The following PLXNB2 variants were observed in gnomAD, a reference collection of about 807,000 sequenced individuals.
PLXNB2 encodes the protein plexin-B2.
In PLXNB2, 85 loss-of-function variants were observed where a neutral mutation model predicts 202.6. The ratio of observed to expected loss-of-function variants is 0.42; its 90% confidence interval spans 0.35 to 0.50. The LOEUF is 0.50. PLXNB2 is among the 20% of genes least tolerant of loss of function. The probability of loss-of-function intolerance (pLI) is 0.02; values close to 1 mark genes in which losing one functional copy is unlikely to be tolerated. For missense variants in PLXNB2, 2,063 were observed against 2,586.2 expected, an observed-to-expected ratio of 0.80 and a Z score of 4.39; for synonymous variants, 1,239 against 1,137.6, an observed-to-expected ratio of 1.09 and a Z score of -1.79.
In PLXNB2 at chr22:50,294,711, G is replaced by A; in HGVS notation, c.-14+8C>T. On this transcript the variant is annotated splice_region_variant and intron_variant, in intron 2 of 36. Transcript: ENST00000359337. ...CCACCCACTGCCTTTCCCAGGTGGG[G>A]TACAGACCCCTCACCGAGGCTCCAG... The A allele has an allele frequency of 2.0e-6, 2 of 984,416 alleles. No individual in the cohort carries two copies. The highest frequency in any genetic ancestry group is 1.7e-5 in the African/African-American group (1 of 57,348). The allele number at this position is 984,416 out of a possible 1,614,324, so 61.0% of individuals were successfully genotyped here. A position where few individuals can be genotyped will look rare whatever the true frequency, so the allele number is the denominator to read the frequency against.
Position 50,275,665 on chromosome 22 carries a change from C to T in PLXNB2, c.*39G>A. On this transcript the variant is annotated 3_prime_UTR_variant, in exon 37 of 37. Transcript: ENST00000359337. ...TCCCCTGAGGGGCTCTCAGGTACCT[C>T]AGGTACCTATGTCCCAAGGCAGCAC... 1.5e-6 allele frequency: 2 copies of T among 1,376,276 alleles called. No individual in the cohort carries two copies. The highest frequency in any genetic ancestry group is 2.0e-6 in the Non-Finnish European group (2 of 987,126). 85.3% of individuals were successfully genotyped at this position (1,376,276 alleles called of 1,614,324 possible).
In PLXNB2 at chr22:50,278,843, G is replaced by A; in HGVS notation, c.4546+12C>T. The A allele has an allele frequency of 6.2e-7, 1 of 1,607,344 alleles. No homozygotes were observed. The highest frequency in any genetic ancestry group is 8.5e-7 in the Non-Finnish European group (1 of 1,175,964). On this transcript the variant is annotated intron_variant, in intron 28 of 36. Transcript: ENST00000359337. The stretch of plus-strand genomic sequence containing the variant: ...GGCGCCTGTGTGCAGACGGGCAGGG[G>A]CCGGCACTCACCCAGGACCACGCTG...
In PLXNB2 at chr22:50,281,692, C is replaced by G. The variant is rs752441482; in HGVS notation, c.3396G>C (p.Val1132=). Residue 1132 remains valine, a synonymous_variant, in exon 21 of 37, where the codon GTG becomes GTC. Coordinates refer to ENST00000359337, the MANE Select transcript of PLXNB2 (RefSeq NM_012401.4). The part of the protein sequence containing the change: ...AMTLQEAEAF[V]GAERCTMKTL... ...TCTTCATGGTGCAGCGCTCGGCACCCACGAAGGCCTCGGCCTCCTGCAGCG... is the reference window on the plus strand; with the variant it reads ...TCTTCATGGTGCAGCGCTCGGCACCGACGAAGGCCTCGGCCTCCTGCAGCG... 6.4e-7 allele frequency: 1 copy of G among 1,569,212 alleles called. No homozygotes were observed. The highest frequency in any genetic ancestry group is 8.7e-7 in the Non-Finnish European group (1 of 1,155,020).
chr22:50,282,925 G>A, intron 17 of PLXNB2, 44 bp from the exon 18 acceptor site: 1 of 1,572,492 alleles, frequency 6.4e-7, no homozygotes, highest in Non-Finnish European at 8.6e-7. Flanking sequence ...CCTCCCCCGG[G>A]ACCAGCCCCA....
Position 50,278,888 on chromosome 22 carries a change from A to G in PLXNB2, c.4513T>C (p.Ser1505Pro), listed in dbSNP as rs760760853. ...IDQVYRGQPCSCWPRPDSVVL... is the reference protein window; with the variant it reads ...IDQVYRGQPCPCWPRPDSVVL... ...ACGCTGTCTGGCCTGGGCCAGCAGG[A>G]GCAGGGCTGCCCACGGTACACCTGG... The change falls in exon 28 of 37, where the codon TCC becomes CCC. Residue 1505 changes from serine (S) to proline (P), a missense_variant. Physicochemically the swap from Ser to Pro is moderately conservative, Grantham distance 74. Around this residue, in one of 2 missense-constraint regions of PLXNB2, gnomAD observed 760 missense variants for 1,109.4 expected, o/e 0.69. Coordinates refer to ENST00000359337, the MANE Select transcript of PLXNB2 (RefSeq NM_012401.4). The G allele has an allele frequency of 3.1e-6, 5 of 1,613,154 alleles. No homozygotes were observed. In the Admixed American group the frequency reaches 8.3e-5, roughly 27 times the overall value.
At chr22:50,294,838 C>A (rs376915374) in intron 1 of PLXNB2, 60 bp from the exon 2 acceptor site, 11 of 850,810 alleles carry the variant, frequency 1.3e-5, no homozygotes, top group Non-Finnish European at 1.6e-5. Context: ...TGGAGCCCCC[C>A]ACCTCTGTCC....
rs28619287 is a variant in PLXNB2 at position 50,296,261 on chromosome 22, C to A, written c.-73-1483G>T. Among the ~76,000 whole-genome samples the A allele has an allele frequency of 9.7e-3, 1,391 of 143,678 alleles. 37 individuals carry two copies. Among genetic ancestry groups the A allele is most frequent in the African/African-American group, 0.038 (1,313 of 34,680 alleles). The allele number at this position is 143,678 out of a possible 152,430, so 94.3% of individuals were successfully genotyped here. ...AAAGTTCAAGGAACTTGAACTAGAC[C>A]GTGAACTGGCCGCGTGTGGTGGTAC... On this transcript the variant is annotated intron_variant, in intron 1 of 36. Transcript: ENST00000359337.
intron 22 of PLXNB2, 30 bp downstream of exon 22, chr22:50,281,330 G>A: frequency 1.9e-6 from 3 of 1,609,426 alleles, no homozygotes; most frequent in South Asian, 2.2e-5. Flanking sequence ...GAGGGCTCAG[G>A]GTGTTGGCAC....
At chr22:50,293,382 C>T (rs1009772533) in intron 2 of PLXNB2, among the ~76,000 whole-genome samples, 1 of 152,206 alleles carries the variant, frequency 6.6e-6, no homozygotes, top group Non-Finnish European at 1.5e-5. Context: ...CCCCTACCCA[C>T]AGCCACCCGG....
Position 50,276,697 on chromosome 22 carries a change from T to C in PLXNB2, c.5269A>G (p.Lys1757Glu), listed in dbSNP as rs2065623304. Residue 1757 changes from lysine to glutamate, a missense_variant, in exon 35 of 37, where the codon AAG becomes GAG. Around this residue, in one of 2 missense-constraint regions of PLXNB2, gnomAD observed 760 missense variants for 1,109.4 expected, o/e 0.69. Coordinates refer to ENST00000359337, the MANE Select transcript of PLXNB2 (RefSeq NM_012401.4). ...ACCTGCACCATCTGCCGGATCCCCT[T>C]GTAGTAACTGCAGGGGTGGGAGCAT... ...TYKKMVEDYY[K>E]GIRQMVQVSD... 1 of 1,613,312 alleles carries C rather than the reference T, an allele frequency of 6.2e-7. No homozygotes were observed. Among genetic ancestry groups the C allele is most frequent in the Non-Finnish European group, 8.5e-7 (1 of 1,179,560 alleles).
chr22:50,283,404 C>T lies in PLXNB2; in HGVS notation c.2612G>A (p.Gly871Glu), dbSNP rs1441303500. ...VIEAAETPFT[G>E]GVEVDVFGKL... Reference sequence around the variant, plus strand: ...CCCGAAGACGTCCACCTCGACACCCCCCGTGAAAGGCGTCTCCGCAGCCTC... The same window carrying T: ...CCCGAAGACGTCCACCTCGACACCCTCCGTGAAAGGCGTCTCCGCAGCCTC... Residue 871 changes from glycine (G) to glutamate (E), a missense_variant, in exon 16 of 37, where the codon GGG becomes GAG. Around this residue, in one of 2 missense-constraint regions of PLXNB2, gnomAD observed 1,303 missense variants for 1,476.8 expected, o/e 0.88. Transcript: ENST00000359337. 1.9e-6 allele frequency: 3 copies of T among 1,613,284 alleles called. No homozygotes were observed. The highest frequency in any genetic ancestry group is 1.1e-5 in the South Asian group (1 of 91,076).
At chr22:50,299,659 C>T (rs1306655473) in intron 1 of PLXNB2, among the ~76,000 whole-genome samples, 2 of 152,148 alleles carry the variant, frequency 1.3e-5, no homozygotes. Context: ...TCCCGCAGCG[C>T]CGCGCCCGTG....
chr22:50,282,037 G>A lies in PLXNB2; in HGVS notation c.3162C>T (p.Val1054=), dbSNP rs751262593. 1.8e-5 allele frequency: 29 copies of A among 1,612,768 alleles called. No individual in the cohort carries two copies. In the Admixed American group the frequency reaches 4.0e-4, roughly 22 times the overall value. Residue 1054 remains valine, a synonymous_variant, in exon 20 of 37, where the codon GTC becomes GTT. Coordinates refer to ENST00000359337, the MANE Select transcript of PLXNB2 (RefSeq NM_012401.4). ...DYVFHNDTKV[V]FLSPAVPEEP... The stretch of plus-strand genomic sequence containing the variant: ...CCTCAGGCACAGCCGGGGACAGGAA[G>A]ACGACCTTGGTGTCATTGTGGAACA...
In PLXNB2 at chr22:50,275,764, C is replaced by T. The variant is rs1383318844; in HGVS notation, c.5457G>A (p.Gln1819=). 17 of 1,612,298 alleles carry T rather than the reference C, an allele frequency of 1.1e-5. No homozygotes were observed. The highest frequency in any genetic ancestry group is 3.3e-5 in the Admixed American group (2 of 59,972). ...LEEDPAAQKM[Q]LAFRLQQIAA... is the part of the protein sequence containing the mutation. ...CAATCTGCTGCAGGCGGAAGGCCAG[C>T]TGCATCTTCTGGGCGGCAGGATCCT... Residue 1819 remains glutamine, a synonymous_variant, in exon 37 of 37, where the codon CAG becomes CAA. Coordinates refer to ENST00000359337, the MANE Select transcript of PLXNB2 (RefSeq NM_012401.4).
Position 50,281,170 on chromosome 22 carries a change from C to A in PLXNB2, c.3682G>T (p.Glu1228Ter). Residue 1228 changes from glutamate (E) to a stop codon, truncating the protein, a stop_gained, in exon 23 of 37, where the codon GAA (glutamate) becomes TAA (stop). Coordinates refer to ENST00000359337, the MANE Select transcript of PLXNB2 (RefSeq NM_012401.4). LOFTEE classifies it high-confidence loss of function. ...GACTTGATCTTCTCATACTCTCGTTCGGCCTGCTGGCTCTTCCTCCTGCAA... is the reference window on the plus strand; with the variant it reads ...GACTTGATCTTCTCATACTCTCGTTAGGCCTGCTGGCTCTTCCTCCTGCAA... ...YCYWRKSQQA[E>*]REYEKIKSQL... is the part of the protein sequence containing the mutation. 6.2e-7 allele frequency: 1 copy of A among 1,612,786 alleles called. No homozygotes were observed. The highest frequency in any genetic ancestry group is 8.5e-7 in the Non-Finnish European group (1 of 1,179,784).
At chr22:50,278,389 T>A in intron 30 of PLXNB2, 46 bp downstream of exon 30, 2 of 1,559,984 alleles carry the variant, frequency 1.3e-6, no homozygotes, top group Middle Eastern at 1.7e-4. Flanking sequence ...TGGTCCACGC[T>A]GACCACCAGG....
intron 1 of PLXNB2, among the ~76,000 whole-genome samples, chr22:50,298,786 C>T (rs777877096): frequency 8.5e-5 from 13 of 152,210 alleles, no homozygotes; most frequent in Non-Finnish European, 1.9e-4. Context: ...GCTGGGACTA[C>T]AGGTGCACGC....
In PLXNB2 at chr22:50,280,816, C is replaced by A. The variant is rs371082124; in HGVS notation, c.3921G>T (p.Pro1307=). 31 of 1,613,258 alleles carry A rather than the reference C, an allele frequency of 1.9e-5. No homozygotes were observed. The highest frequency in any genetic ancestry group is 6.7e-5 in the Admixed American group (4 of 60,018). ...GGGCCTGCTCCACCACCGGCCGCCG[C>A]GGCTCAGGGATGTCCAGCTTGCCGG... ...MITGKLDIPE[P]RRPVVEQALY... The change falls in exon 24 of 37, where the codon CCG becomes CCT. Residue 1307 remains proline (P), a synonymous_variant. Coordinates refer to ENST00000359337, the MANE Select transcript of PLXNB2 (RefSeq NM_012401.4).
intron 32 of PLXNB2, 31 bp downstream of exon 32, chr22:50,277,822 G>A: frequency 1.2e-6 from 2 of 1,607,538 alleles, no homozygotes; most frequent in Non-Finnish European, 8.5e-7. Context: ...CGGAGCCGGG[G>A]CTGGGCCGCG....
Sources: gnomAD v4.1 joint callset for allele counts (sites outside exome capture counted in the v4.1 genomes callset) on GRCh38, gnomAD v4.1.1 for gene constraint, gnomAD v4.1.1 regional missense constraint, MANE v1.5 for transcripts, NCBI Gene and HGNC (gene_info 2026-07-23, HGNC 2026-07-21) for gene names.